The following COL4A4 variants were observed in gnomAD, a reference collection of about 807,000 sequenced individuals.
The protein encoded by COL4A4 is collagen alpha-4(IV) chain.
In COL4A4, 105 loss-of-function variants were observed where a neutral mutation model predicts 192.9. The observed-to-expected ratio is 0.54, with a 90% CI of 0.46 to 0.64. The LOEUF is 0.64. Among genes scored for constraint, COL4A4 ranks in the 30% least tolerant of loss-of-function variants. The pLI, the probability that COL4A4 is intolerant of heterozygous loss-of-function variation, is 0.00. For synonymous variants in COL4A4, 762 were observed against 769.9 expected (o/e 0.99, Z 0.17); for missense variants, 1,967 against 2,169.3 (o/e 0.91, Z 1.85).
chr2:227,146,178 C>T (rs1014754496), intron 2 of COL4A4, among the ~76,000 whole-genome samples: 1 of 152,138 alleles, frequency 6.6e-6, no homozygotes, highest in East Asian at 1.9e-4. Flanking sequence ...AGAATGGCCC[C>T]GAGGGGGCCA....
intron 41 of COL4A4, among the ~76,000 whole-genome samples, chr2:227,028,958 C>T (rs750291801): frequency 3.9e-5 from 6 of 152,104 alleles, no homozygotes; most frequent in Non-Finnish European, 8.8e-5. Flanking sequence ...CTGAGTCAAG[C>T]GGAAACTCTG....
intron 20 of COL4A4, among the ~76,000 whole-genome samples, chr2:227,090,179 T>C (rs2059837672): frequency 6.6e-6 from 1 of 152,098 alleles, no homozygotes; most frequent in Non-Finnish European, 1.5e-5. Context: ...ACCATAACCA[T>C]TGATAAAGCC....
chr2:227,101,622 C>G, intron 16 of COL4A4, 65 bp from the exon 17 acceptor site: 1 of 1,484,278 alleles, frequency 6.7e-7, no homozygotes, highest in Non-Finnish European at 9.3e-7. Context: ...ATCTCATTCT[C>G]ATTTAATTTA....
chr2:227,068,749 C>T (rs1296376216), intron 25 of COL4A4, among the ~76,000 whole-genome samples: 1 of 149,778 alleles, frequency 6.7e-6, no homozygotes, highest in African/African-American at 2.5e-5. Flanking sequence ...GACAAACCCA[C>T]AGCCAATATC....
At chr2:226,992,534 T>G in the COL4A4 span, among the ~76,000 whole-genome samples, 5,267 of 152,252 alleles carry the variant, frequency 0.035, 292 homozygotes, top group African/African-American at 0.12. Flanking sequence ...ACCCAAGGTC[T>G]TCTTGGTTCT....
At chr2:227,108,439 A>G in intron 12 of COL4A4, 142 bp downstream of exon 12, 2 of 785,568 alleles carry the variant, frequency 2.5e-6, no homozygotes, top group Non-Finnish European at 4.5e-6. Flanking sequence ...TGCCATAATA[A>G]TTCGGCAAAG....
chr2:227,157,502 C>T (rs947466951), intron 1 of COL4A4, among the ~76,000 whole-genome samples: 1 of 151,952 alleles, frequency 6.6e-6, no homozygotes, highest in Non-Finnish European at 1.5e-5. Context: ...TGAAACCCAA[C>T]ATTAGTAGTT....
chr2:227,141,241 C>T (rs1448015286), intron 3 of COL4A4, among the ~76,000 whole-genome samples: 2 of 152,158 alleles, frequency 1.3e-5, no homozygotes, highest in African/African-American at 4.8e-5. Context: ...ATGATCTGGC[C>T]TAGCTGTCAT....
chr2:227,099,534 G>A (rs949032800), intron 18 of COL4A4, 86 bp downstream of exon 18: 12 of 1,230,820 alleles, frequency 9.7e-6, no homozygotes, highest in African/African-American at 1.5e-5. Flanking sequence ...TGCAAGCTAT[G>A]GAAATACTGG....
chr2:227,076,151 C>T (rs12694710), intron 25 of COL4A4, among the ~76,000 whole-genome samples: 68,151 of 151,908 alleles, frequency 0.45, 15,499 homozygotes, highest in South Asian at 0.51. Context: ...TTAAATTTCA[C>T]ATGGAACCAA....
chr2:227,051,897 A>T (rs555155236), intron 32 of COL4A4, among the ~76,000 whole-genome samples: 5 of 151,868 alleles, frequency 3.3e-5, no homozygotes, highest in South Asian at 4.2e-4. Context: ...ATTTATATCT[A>T]AAAAAAATGG....
chr2:227,041,836 GAAA>G (rs764822088), intron 37 of COL4A4, among the ~76,000 whole-genome samples: 3 of 50,188 alleles, frequency 6.0e-5, no homozygotes, highest in African/African-American at 3.2e-4. Flanking sequence ...AAGAAAGAAA[GAAA>G]GAAAGAAAGA....
intron 42 of COL4A4, among the ~76,000 whole-genome samples, chr2:227,027,259 A>G (rs1338935994): frequency 6.6e-6 from 1 of 151,888 alleles, no homozygotes; most frequent in African/African-American, 2.4e-5. Context: ...CAAAAAAAAA[A>G]AAAATAGAAA....
chr2:227,053,268 C>CA (rs1974527040), intron 31 of COL4A4, among the ~76,000 whole-genome samples: 1 of 151,784 alleles, frequency 6.6e-6, no homozygotes, highest in South Asian at 2.1e-4. Flanking sequence ...GCTAGTAAAA[C>CA]AAAAAATTGT....
intron 29 of COL4A4, among the ~76,000 whole-genome samples, chr2:227,057,223 C>G (rs56344617): frequency 6.6e-6 from 1 of 152,166 alleles, no homozygotes; most frequent in Non-Finnish European, 1.5e-5. Flanking sequence ...ATGCAACCCA[C>G]TGTGTGTGTG....
chr2:226,992,784 G>C, the COL4A4 span, among the ~76,000 whole-genome samples: 1 of 152,174 alleles, frequency 6.6e-6, no homozygotes, highest in Non-Finnish European at 1.5e-5. Flanking sequence ...AACACTTGCG[G>C]TGTGAGAACC....
intron 1 of COL4A4, among the ~76,000 whole-genome samples, chr2:227,150,255 T>A (rs2063837430): frequency 1.3e-5 from 2 of 152,184 alleles, no homozygotes; most frequent in Admixed American, 6.6e-5. Context: ...GGAGAGAAAC[T>A]GACACTTTGA....
intron 8 of COL4A4, among the ~76,000 whole-genome samples, chr2:227,114,119 T>G (rs1236068329): frequency 6.6e-6 from 1 of 152,264 alleles, no homozygotes; most frequent in Non-Finnish European, 1.5e-5. Flanking sequence ...TGACTTTTAC[T>G]GTACTGGATG....
chr2:227,095,012 A>G lies in COL4A4; in HGVS notation c.1205-723T>C, dbSNP rs565843691. Among the ~76,000 whole-genome samples, 12 of 152,242 alleles carry G rather than the reference A, an allele frequency of 7.9e-5. No homozygotes were observed. In the South Asian group the frequency reaches 1.4e-3, roughly 18 times the overall value. On this transcript the variant is annotated intron_variant, in intron 19 of 47. Coordinates refer to ENST00000396625, the MANE Select transcript of COL4A4 (RefSeq NM_000092.5). The stretch of plus-strand genomic sequence containing the variant: ...GCATTAAAAGAAAAAACATAGCTCA[A>G]AAATAAAGACAATATCCCAGCCATT...
Sources: allele counts gnomAD v4.1 joint callset (sites outside exome capture counted in the v4.1 genomes callset), GRCh38; gene constraint gnomAD v4.1.1; transcripts MANE v1.5; gene names NCBI Gene and HGNC (gene_info 2026-07-23, HGNC 2026-07-21).